SAXO3: variants seen among roughly 807,000 people sequenced by gnomAD.
The protein encoded by SAXO3 is CTB-60B18.10.
chr19:49,018,659 G>C, the SAXO3 span, among the ~76,000 whole-genome samples: 5 of 152,124 alleles, frequency 3.3e-5, no homozygotes, highest in African/African-American at 1.2e-4. Context: ...CAGGCTTCCT[G>C]TCCCTACCGC....
chr19:49,018,868 C>T, the SAXO3 span: 4 of 1,533,134 alleles, frequency 2.6e-6, no homozygotes, highest in African/African-American at 1.4e-5. Context: ...GAGAGCCCGG[C>T]TTACTTGGGA....
the SAXO3 span, chr19:49,020,021 G>T: frequency 6.8e-7 from 1 of 1,471,200 alleles, no homozygotes; most frequent in Non-Finnish European, 8.9e-7. Context: ...CGAGCCAGAG[G>T]TTGTCTCCCA....
the SAXO3 span, chr19:49,020,319 C>T: frequency 2.4e-6 from 1 of 420,338 alleles, no homozygotes; most frequent in South Asian, 8.4e-5. Flanking sequence ...CTTTATTTAG[C>T]CCCTATCTTT....
chr19:49,019,452 G>C, the SAXO3 span: 1 of 1,255,336 alleles, frequency 8.0e-7, no homozygotes, highest in Non-Finnish European at 1.0e-6. Flanking sequence ...AGCAGCTTAG[G>C]AGCCCTGAAG....
At chr19:49,020,081 A>C in the SAXO3 span, 1 of 1,401,494 alleles carries the variant, frequency 7.1e-7, no homozygotes. Flanking sequence ...CTGCTTTGCA[A>C]CTTGGGGTAG....
the SAXO3 span, chr19:49,019,830 A>AT: frequency 7.9e-7 from 1 of 1,266,724 alleles, no homozygotes; most frequent in Non-Finnish European, 1.0e-6. Flanking sequence ...CGACCCAGAG[A>AT]CTCACGTGAA....
the SAXO3 span, chr19:49,019,587 C>T: frequency 8.0e-7 from 1 of 1,254,804 alleles, no homozygotes; most frequent in African/African-American, 1.6e-5. Context: ...TCCTTCTGGC[C>T]CCGCCCCAGG....
the SAXO3 span, chr19:49,019,293 C>CCG: frequency 8.3e-7 from 1 of 1,201,876 alleles, no homozygotes. Context: ...CTCCCTGGTT[C>CCG]CGCTCTGTCT....
chr19:49,019,657 C>T, the SAXO3 span: 12 of 1,260,092 alleles, frequency 9.5e-6, no homozygotes, highest in South Asian at 7.2e-5. Flanking sequence ...CTGGGAAGGA[C>T]CCCCGCGGTG....
the SAXO3 span, chr19:49,020,321 C>G: frequency 4.8e-6 from 2 of 419,146 alleles, no homozygotes; most frequent in Non-Finnish European, 8.4e-6. Flanking sequence ...TTATTTAGCC[C>G]CTATCTTTCT....
At chr19:49,018,449 A>G in the SAXO3 span, 5 of 653,664 alleles carry the variant, frequency 7.6e-6, no homozygotes, top group Non-Finnish European at 1.1e-5. Flanking sequence ...TTTCCAGGCG[A>G]GCACCCCTTA....
chr19:49,019,397 A>G, the SAXO3 span: 1 of 1,252,854 alleles, frequency 8.0e-7, no homozygotes, highest in Non-Finnish European at 1.0e-6. Context: ...CCGTCTCAGA[A>G]TATTCTAGTC....
chr19:49,020,046 C>T, the SAXO3 span: 13 of 1,434,280 alleles, frequency 9.1e-6, no homozygotes, highest in Non-Finnish European at 1.1e-5. Flanking sequence ...CTGAGGACCT[C>T]GTCGAAAGCC....
chr19:49,018,163 G>C, the SAXO3 span: 3 of 404,990 alleles, frequency 7.4e-6, no homozygotes, highest in Middle Eastern at 6.2e-4. Context: ...GGGCTCCCCG[G>C]TGCGGCATGG....
chr19:49,020,073 G>A, the SAXO3 span: 1 of 1,411,872 alleles, frequency 7.1e-7, no homozygotes, highest in South Asian at 1.5e-5. Context: ...TGAGAATCCT[G>A]CTTTGCAACT....
chr19:49,018,004 G>A, the SAXO3 span: 9 of 398,732 alleles, frequency 2.3e-5, no homozygotes, highest in African/African-American at 1.6e-4. Context: ...CATAGCTGGA[G>A]TTCTCGGTAC....
chr19:49,019,917 C>G, the SAXO3 span: 1 of 1,490,472 alleles, frequency 6.7e-7, no homozygotes. Context: ...ACCTTTTCTC[C>G]TAAATCCTTG....
the SAXO3 span, among the ~76,000 whole-genome samples, chr19:49,018,700 G>C: frequency 6.6e-6 from 1 of 151,556 alleles, no homozygotes; most frequent in African/African-American, 2.4e-5. Flanking sequence ...AAGGACTCCT[G>C]GGTGCTTAAA....
the SAXO3 span, chr19:49,019,262 C>T: frequency 1.5e-6 from 2 of 1,291,096 alleles, no homozygotes; most frequent in South Asian, 2.2e-5. Context: ...CAAACCCAAG[C>T]CCCCAGCCAC....
Sources: allele counts gnomAD v4.1 joint callset (sites outside exome capture counted in the v4.1 genomes callset), GRCh38; gene constraint gnomAD v4.1.1; transcripts MANE v1.5; gene names NCBI Gene and HGNC (gene_info 2026-07-23, HGNC 2026-07-21).